Variants in ACLY observed in about 807,000 individuals in gnomAD.
ACLY encodes the protein ATP-citrate synthase.
A neutral mutation model predicts 133.0 loss-of-function variants in ACLY; 41 were observed. That is an observed-to-expected ratio of 0.31 (90% CI 0.24 to 0.40). The LOEUF is 0.40. Among genes scored for constraint, ACLY ranks in the 10% least tolerant of loss-of-function variants. The pLI, the probability that ACLY is intolerant of heterozygous loss-of-function variation, is 1.00. For synonymous variants in ACLY, 495 were observed against 549.3 expected, an observed-to-expected ratio of 0.90 and a Z score of 1.38; for missense variants, 1,046 against 1,453.8, an observed-to-expected ratio of 0.72 and a Z score of 4.56.
Position 41,907,587 on chromosome 17 carries a change from G to C in ACLY, c.617-15C>G. On this transcript the variant is annotated splice_polypyrimidine_tract_variant and intron_variant, in intron 6 of 28. Transcript: ENST00000352035. Reference sequence around the variant, plus strand: ...TTTGGTCACTACTTCAAGGGGAGCAGAGGCAATCATCAGACACCGGCTCTG... The same window carrying C: ...TTTGGTCACTACTTCAAGGGGAGCACAGGCAATCATCAGACACCGGCTCTG... 6.2e-7 allele frequency: 1 copy of C among 1,611,752 alleles called. No individual in the cohort carries two copies. The highest frequency in any genetic ancestry group is 1.3e-5 in the African/African-American group (1 of 74,992).
At chr17:41,893,568 A>C (rs2049276896) in intron 14 of ACLY, among the ~76,000 whole-genome samples, 1 of 152,216 alleles carries the variant, frequency 6.6e-6, no homozygotes, top group African/African-American at 2.4e-5. Context: ...TTGGAAAAAA[A>C]TGCTTAGCTC....
intron 3 of ACLY, 83 bp downstream of exon 3, chr17:41,912,337 T>C: frequency 2.0e-6 from 3 of 1,530,378 alleles, no homozygotes; most frequent in Non-Finnish European, 2.7e-6. Context: ...GCTGTGGGGG[T>C]GATCCACAGA....
chr17:41,924,888 C>G (rs1157993432), intron 1 of ACLY, among the ~76,000 whole-genome samples: 1 of 152,126 alleles, frequency 6.6e-6, no homozygotes, highest in African/African-American at 2.4e-5. Context: ...TCAAAAACTG[C>G]CACTGCCTCC....
In ACLY at chr17:41,876,319, G is replaced by A. The variant is rs868959587; in HGVS notation, c.2487+1784C>T. Among the ~76,000 whole-genome samples, 201 of 146,110 alleles carry A rather than the reference G, an allele frequency of 1.4e-3. 2 individuals are homozygous for A. Among genetic ancestry groups the A allele is most frequent in the African/African-American group, 4.9e-3 (192 of 39,462 alleles). ...GGGTCAGCCCCCCGCCCGGCCAGCC[G>A]CCCCGTCCGGGAGGTGAGGGGCGCC... On this transcript the variant is annotated intron_variant, in intron 22 of 28. Transcript: ENST00000352035.
chr17:41,868,436 C>CA lies in ACLY; in HGVS notation c.3211+272dup, dbSNP rs10639270. On this transcript the variant is annotated intron_variant, in intron 28 of 28. Transcript: ENST00000352035. The stretch of plus-strand genomic sequence containing the variant: ...CTGGTGACAGAGCAAGACTCAGTCT[C>CA]AAAAAAAAAAAAAAAAATTTTCCTG... Among the ~76,000 whole-genome samples the CA allele has an allele frequency of 1.5e-3, 156 of 102,820 alleles. 9 individuals are homozygous for CA. Among genetic ancestry groups the CA allele is most frequent in the African/African-American group, 5.2e-3 (132 of 25,474 alleles). 67.5% of individuals were successfully genotyped at this position (102,820 alleles called of 152,430 possible).
intron 1 of ACLY, among the ~76,000 whole-genome samples, chr17:41,924,150 T>G (rs1555635753): frequency 2.1e-5 from 3 of 144,988 alleles, no homozygotes; most frequent in Admixed American, 6.8e-5. Context: ...TATTTTTTAT[T>G]TATTTATTTT....
intron 1 of ACLY, among the ~76,000 whole-genome samples, chr17:41,915,242 G>A (rs148522398): frequency 7.2e-5 from 11 of 152,264 alleles, no homozygotes; most frequent in African/African-American, 2.2e-4. Context: ...GAGGGGAATC[G>A]GGGGAGGTGG....
At chr17:41,896,557 A>G (rs879962316) in intron 14 of ACLY, 63 bp downstream of exon 14, 2 of 1,458,080 alleles carry the variant, frequency 1.4e-6, no homozygotes, top group South Asian at 2.6e-5. Context: ...CAGAGCACAC[A>G]GTAAAACTGT....
chr17:41,910,488 G>A (rs1336833685), intron 3 of ACLY, among the ~76,000 whole-genome samples: 5 of 152,194 alleles, frequency 3.3e-5, no homozygotes, highest in African/African-American at 4.8e-5. Flanking sequence ...GCTCTGGTGC[G>A]GGCTGTGCCT....
intron 19 of ACLY, among the ~76,000 whole-genome samples, chr17:41,883,582 C>CTTTTTTT (rs139989311): frequency 1.1e-5 from 1 of 88,924 alleles, no homozygotes. Flanking sequence ...TTTTTTTTTG[C>CTTTTTTT]TTTTTTTTTT....
At chr17:41,906,117 G>A (rs1555632605) in intron 8 of ACLY, among the ~76,000 whole-genome samples, 1 of 152,198 alleles carries the variant, frequency 6.6e-6, no homozygotes, top group Non-Finnish European at 1.5e-5. Flanking sequence ...TGTAAAGGGT[G>A]TAGAATATGA....
chr17:41,888,139 C>CA (rs2049104551), intron 16 of ACLY, among the ~76,000 whole-genome samples: 2 of 151,892 alleles, frequency 1.3e-5, no homozygotes, highest in African/African-American at 4.8e-5. Context: ...AAAACAAAAA[C>CA]AAAACAAAAC....
intron 16 of ACLY, among the ~76,000 whole-genome samples, chr17:41,891,275 C>A (rs1230865923): frequency 1.3e-5 from 2 of 152,078 alleles, no homozygotes; most frequent in Non-Finnish European, 1.5e-5. Flanking sequence ...ACAATACCCC[C>A]GCCTCTGCCG....
chr17:41,912,707 C>T (rs986331248), intron 2 of ACLY, among the ~76,000 whole-genome samples, 165 bp from the exon 3 acceptor site: 3 of 152,188 alleles, frequency 2.0e-5, no homozygotes, highest in African/African-American at 4.8e-5. Flanking sequence ...CCTCCACCTA[C>T]CCTAGCCAAT....
chr17:41,924,389 C>A (rs552522307), intron 1 of ACLY, among the ~76,000 whole-genome samples: 2 of 151,800 alleles, frequency 1.3e-5, no homozygotes, highest in Admixed American at 1.3e-4. Context: ...CCTCGTGATC[C>A]GCCCGCCTCA....
chr17:41,913,687 A>G (rs1555634022), intron 2 of ACLY, 28 bp downstream of exon 2: 2 of 1,609,312 alleles, frequency 1.2e-6, no homozygotes, highest in Non-Finnish European at 1.7e-6. Context: ...GGCCTGGAAG[A>G]AAGGCCCAAA....
At chr17:41,903,713 G>A (rs569185139) in intron 10 of ACLY, among the ~76,000 whole-genome samples, 10 of 122,922 alleles carry the variant, frequency 8.1e-5, no homozygotes, top group East Asian at 2.7e-4. Flanking sequence ...CCGAGATTGC[G>A]CCACTGCACG....
intron 27 of ACLY, 112 bp downstream of exon 27, chr17:41,868,931 C>T (rs569987428): frequency 4.4e-6 from 6 of 1,348,912 alleles, no homozygotes; most frequent in Non-Finnish European, 6.3e-6. Context: ...CTTCTTTATA[C>T]CTCTCCTTAT....
chr17:41,904,682 C>A (rs782278460), intron 10 of ACLY, 47 bp downstream of exon 10: 1 of 1,585,910 alleles, frequency 6.3e-7, no homozygotes, highest in Non-Finnish European at 8.7e-7. Context: ...TCCCTGCTTT[C>A]CCCAAACCAC....
Sources: allele counts gnomAD v4.1 joint callset (sites outside exome capture counted in the v4.1 genomes callset), GRCh38; gene constraint gnomAD v4.1.1; transcripts MANE v1.5; gene names NCBI Gene and HGNC (gene_info 2026-07-23, HGNC 2026-07-21).